RBFOX1: variants seen among roughly 807,000 people sequenced by gnomAD.
RBFOX1 encodes the protein RNA binding protein fox-1 homolog 1.
RBFOX1 carries 8 observed loss-of-function variants against 57.7 expected under a neutral mutation model. The ratio of observed to expected loss-of-function variants is 0.14; its 90% CI spans 0.08 to 0.25. RBFOX1 has a LOEUF of 0.25. RBFOX1 is among the 10% of genes least tolerant of loss of function. The pLI is 1.00. For synonymous variants in RBFOX1, 326 were observed against 222.4 expected (o/e 1.47, Z -4.15); for missense variants, 611 against 548.5 (o/e 1.11, Z -1.14).
intron 2 of RBFOX1, among the ~76,000 whole-genome samples, chr16:6,637,669 G>T (rs542663464): frequency 1.3e-5 from 2 of 149,754 alleles, no homozygotes; most frequent in African/African-American, 4.9e-5. Flanking sequence ...TGGTGAATTG[G>T]GAGCCAGATG....
At chr16:6,824,718 T>G (rs1436367530) in intron 3 of RBFOX1, among the ~76,000 whole-genome samples, 2 of 152,188 alleles carry the variant, frequency 1.3e-5, no homozygotes, top group Non-Finnish European at 2.9e-5. Flanking sequence ...CTCTCTGTTT[T>G]ACTTTTCTTT....
intron 1 of RBFOX1, chr16:5,366,556 A>G (rs2065721515): frequency 3.0e-5 from 12 of 395,362 alleles, no homozygotes; most frequent in South Asian, 2.5e-4. Flanking sequence ...TAGAGCAGAA[A>G]TGCAAGCAAA....
Position 7,304,254 on chromosome 16 carries a change from G to A in RBFOX1, c.28-213893G>A, listed in dbSNP as rs561329529. 45 of 983,922 alleles carry A rather than the reference G, an allele frequency of 4.6e-5. No individual in the cohort carries two copies. In the East Asian group the frequency reaches 3.6e-3, roughly 78 times the overall value. 60.9% of individuals were successfully genotyped at this position (983,922 alleles called of 1,614,324 possible). On this transcript the variant is annotated intron_variant, in intron 4 of 15. Transcript: ENST00000550418. ...AGAGAGAGAGAGAGAGAGACAGCGC[G>A]AGCCACCGGTCATTGACTTAGATAA...
At chr16:7,553,468 G>T (rs1159590735) in intron 5 of RBFOX1, among the ~76,000 whole-genome samples, 4 of 152,194 alleles carry the variant, frequency 2.6e-5, no homozygotes, top group Non-Finnish European at 2.9e-5. Flanking sequence ...TTTAAAAGTG[G>T]TATACATAGC....
At chr16:6,960,414 C>T (rs2082713339) in intron 3 of RBFOX1, among the ~76,000 whole-genome samples, 1 of 152,128 alleles carries the variant, frequency 6.6e-6, no homozygotes, top group African/African-American at 2.4e-5. Flanking sequence ...ATTTCCCAGG[C>T]CTTCTCCCTG....
chr16:5,350,697 C>G (rs2065243567), intron 1 of RBFOX1, among the ~76,000 whole-genome samples: 1 of 152,138 alleles, frequency 6.6e-6, no homozygotes, highest in Non-Finnish European at 1.5e-5. Context: ...GAAACCCCGT[C>G]TCTAGTGAAA....
intron 3 of RBFOX1, among the ~76,000 whole-genome samples, chr16:6,997,862 G>C (rs919465781): frequency 6.6e-6 from 1 of 152,048 alleles, no homozygotes. Flanking sequence ...ACAGTTATCA[G>C]AACACCAGTT....
intron 2 of RBFOX1, among the ~76,000 whole-genome samples, chr16:5,540,814 A>G (rs1320808015): frequency 6.6e-6 from 1 of 152,134 alleles, no homozygotes; most frequent in Admixed American, 6.5e-5. Flanking sequence ...CTCCATCCCA[A>G]TTGCGCTGAA....
At chr16:6,873,355 G>A (rs537724148) in intron 3 of RBFOX1, among the ~76,000 whole-genome samples, 1 of 152,224 alleles carries the variant, frequency 6.6e-6, no homozygotes, top group East Asian at 1.9e-4. Flanking sequence ...TTAGAGACAT[G>A]ATTATGCTTT....
chr16:6,742,908 G>A (rs1449295091), intron 3 of RBFOX1, among the ~76,000 whole-genome samples: 1 of 152,084 alleles, frequency 6.6e-6, no homozygotes, highest in African/African-American at 2.4e-5. Flanking sequence ...TATTGTGGTG[G>A]TAGTTACAGA....
chr16:5,752,414 T>G (rs903411097), intron 3 of RBFOX1, among the ~76,000 whole-genome samples: 10 of 152,212 alleles, frequency 6.6e-5, no homozygotes, highest in African/African-American at 2.4e-4. Context: ...CCTGCACATG[T>G]ATCCTTTAAC....
At position 5,344,299 on chromosome 16, in the gene RBFOX1, C is replaced by G. The variant is rs1019104512; in HGVS notation, c.219+104194C>G. Among the ~76,000 whole-genome samples the G allele has an allele frequency of 2.0e-5, 3 of 152,160 alleles. No homozygotes were observed. The East Asian group carries it at 5.8e-4, about 29-fold the overall frequency. ...TAAACCATGTGGTCCCAGTCCTTTG[C>G]CCAGCTCCCTCTTTCTACATCAGCT... On this transcript the variant is annotated intron_variant, in intron 1 of 2. Coordinates refer to the RBFOX1 transcript ENST00000585867.
At chr16:7,537,589 G>T (rs370076311) in intron 5 of RBFOX1, among the ~76,000 whole-genome samples, 1 of 152,176 alleles carries the variant, frequency 6.6e-6, no homozygotes, top group African/African-American at 2.4e-5. Context: ...CTGAGCTGGG[G>T]GTGAAGACAT....
intron 4 of RBFOX1, among the ~76,000 whole-genome samples, chr16:5,983,258 A>G (rs1281851313): frequency 6.6e-6 from 1 of 152,204 alleles, no homozygotes; most frequent in Non-Finnish European, 1.5e-5. Context: ...TGCGCCACTG[A>G]ATTGGGTAAT....
chr16:6,334,218 A>G (rs1335428193), intron 2 of RBFOX1, among the ~76,000 whole-genome samples: 4 of 152,062 alleles, frequency 2.6e-5, no homozygotes, highest in Admixed American at 2.0e-4. Flanking sequence ...TTAAAAGTCA[A>G]CGAAAGTGGC....
At position 6,897,935 on chromosome 16, in the gene RBFOX1, T is replaced by A. The variant is rs2153399324; in HGVS notation, c.-15-154122T>A. Among the ~76,000 whole-genome samples the A allele has an allele frequency of 2.6e-5, 4 of 152,340 alleles. 1 individual carries two copies. The South Asian group carries it at 8.3e-4, about 32-fold the overall frequency. ...TGTCTCAGACACGAGCTACCCTCTG[T>A]GTCTCACCAGGTCGGATCCCTGTGT... On this transcript the variant is annotated intron_variant, in intron 3 of 15. Transcript: ENST00000550418.
At chr16:6,389,697 C>A (rs933131755) in intron 2 of RBFOX1, among the ~76,000 whole-genome samples, 3 of 152,098 alleles carry the variant, frequency 2.0e-5, no homozygotes, top group Admixed American at 1.3e-4. Context: ...TAATCAATGA[C>A]GAACCTCGTG....
At chr16:6,851,193 C>A (rs530024387) in intron 3 of RBFOX1, among the ~76,000 whole-genome samples, 2 of 152,116 alleles carry the variant, frequency 1.3e-5, no homozygotes, top group African/African-American at 4.8e-5. Context: ...AGGTTACATA[C>A]AAAATGATAC....
intron 2 of RBFOX1, among the ~76,000 whole-genome samples, chr16:6,550,197 G>C (rs891533713): frequency 7.9e-5 from 12 of 151,766 alleles, no homozygotes; most frequent in African/African-American, 2.7e-4. Flanking sequence ...GTTGGCGGGG[G>C]GACAGAGTCT....
Sources: gnomAD v4.1 joint callset for allele counts (sites outside exome capture counted in the v4.1 genomes callset) on GRCh38, gnomAD v4.1.1 for gene constraint, MANE v1.5 for transcripts, NCBI Gene and HGNC (gene_info 2026-07-23, HGNC 2026-07-21) for gene names.